OCLN: variants seen among roughly 807,000 people sequenced by gnomAD.
OCLN encodes phosphatase 1, regulatory subunit 115.
OCLN carries 21 observed loss-of-function variants against 47.9 expected under a neutral mutation model. The observed-to-expected ratio is 0.44, with a 90% CI of 0.31 to 0.63. OCLN has a LOEUF of 0.63. Ranked by LOEUF, OCLN falls within the 30% of genes least tolerant of loss-of-function variation. The probability of loss-of-function intolerance (pLI) is 0.08; values close to 1 mark genes in which losing one functional copy is unlikely to be tolerated. For missense variants in OCLN, 360 were observed against 571.0 expected (o/e 0.63, Z 3.77); for synonymous variants, 117 against 198.4 (o/e 0.59, Z 3.45).
intron 5 of OCLN, among the ~76,000 whole-genome samples, chr5:69,535,818 A>G (rs2112067912): frequency 6.6e-6 from 1 of 152,092 alleles, no homozygotes; most frequent in East Asian, 1.9e-4. Context: ...TACAGTAAAT[A>G]TAAAAGATAA....
chr5:69,548,533 G>T, intron 7 of OCLN, among the ~76,000 whole-genome samples: 1 of 148,958 alleles, frequency 6.7e-6, no homozygotes, highest in Non-Finnish European at 1.5e-5. Flanking sequence ...TGTTAGCCAG[G>T]ATGGTCTCGA....
chr5:69,553,709 G>A lies in OCLN; in HGVS notation c.*38G>A. 1 of 1,586,072 alleles carries A rather than the reference G, an allele frequency of 6.3e-7. No homozygotes were observed. Among genetic ancestry groups the A allele is most frequent in the Non-Finnish European group, 8.7e-7 (1 of 1,155,262 alleles). Reference sequence around the variant, plus strand: ...AAGTTGTTTGAGAAATTAAGTATCTGACATCTCTGCAATCTTCTCAGAAGG... The same window carrying A: ...AAGTTGTTTGAGAAATTAAGTATCTAACATCTCTGCAATCTTCTCAGAAGG... On this transcript the variant is annotated 3_prime_UTR_variant, in exon 9 of 9. Transcript: ENST00000396442.
At chr5:69,523,783 G>A (rs1286107685) in intron 4 of OCLN, among the ~76,000 whole-genome samples, 2 of 150,238 alleles carry the variant, frequency 1.3e-5, no homozygotes, top group Admixed American at 6.7e-5. Context: ...TGATCCACCC[G>A]CCTCAGCCTC....
intron 2 of OCLN, among the ~76,000 whole-genome samples, chr5:69,506,290 T>A (rs906892030): frequency 6.6e-6 from 1 of 152,060 alleles, no homozygotes; most frequent in Middle Eastern, 3.2e-3. Flanking sequence ...TAAGAATGAA[T>A]GAATGAATGA....
At chr5:69,528,411 A>ACATGGTGAC (rs56024136) in intron 4 of OCLN, among the ~76,000 whole-genome samples, 132,103 of 151,896 alleles carry the variant, frequency 0.87, 57,642 homozygotes, top group African/African-American at 0.9. Context: ...AAACAAAGGC[A>ACATGGTGAC]TGAAACATAC....
intron 1 of OCLN, among the ~76,000 whole-genome samples, chr5:69,494,906 C>T (rs902159528): frequency 8.5e-5 from 13 of 152,302 alleles, no homozygotes; most frequent in African/African-American, 3.1e-4. Context: ...TCAGAAGCAG[C>T]GGTCCTTGAT....
At chr5:69,504,664 C>T (rs564467589) in intron 2 of OCLN, among the ~76,000 whole-genome samples, 7 of 152,282 alleles carry the variant, frequency 4.6e-5, no homozygotes, top group Non-Finnish European at 7.3e-5. Flanking sequence ...AGGCCGGGTG[C>T]GGTGGCTCAC....
chr5:69,500,017 C>G (rs1351249525), intron 1 of OCLN, among the ~76,000 whole-genome samples: 1 of 152,208 alleles, frequency 6.6e-6, no homozygotes, highest in Non-Finnish European at 1.5e-5. Context: ...TAGGTTGTTT[C>G]AAACTCATCA....
intron 1 of OCLN, among the ~76,000 whole-genome samples, chr5:69,500,705 A>G (rs1768433607): frequency 6.6e-6 from 1 of 151,982 alleles, no homozygotes; most frequent in South Asian, 2.1e-4. Flanking sequence ...TTGGTTCACA[A>G]TTTAAAATCC....
At chr5:69,531,702 A>G (rs1363766399) in intron 4 of OCLN, among the ~76,000 whole-genome samples, 2 of 152,228 alleles carry the variant, frequency 1.3e-5, no homozygotes, top group African/African-American at 2.4e-5. Context: ...TTCCACTTTC[A>G]GAGGGAAATG....
chr5:69,548,475 G>A (rs1465257349), intron 7 of OCLN, among the ~76,000 whole-genome samples: 5 of 150,066 alleles, frequency 3.3e-5, no homozygotes, highest in South Asian at 2.1e-4. Context: ...CACCACGCCC[G>A]GCTAATTTTT....
chr5:69,550,218 G>A (rs1446522020), intron 7 of OCLN, among the ~76,000 whole-genome samples: 1 of 108,916 alleles, frequency 9.2e-6, no homozygotes, highest in African/African-American at 3.3e-5. Context: ...TTGAGACGGA[G>A]TCTTGCTCTG....
rs1769914089 is a variant in OCLN at position 69,554,358 on chromosome 5, A to T, written c.*687A>T. 1 of 152,068 alleles carries T rather than the reference A, an allele frequency of 6.6e-6. No individual in the cohort carries two copies. The highest frequency in any genetic ancestry group is 2.4e-5 in the African/African-American group (1 of 41,400). The allele number at this position is 152,068 out of a possible 1,614,324, so 9.4% of individuals were successfully genotyped here. On this transcript the variant is annotated 3_prime_UTR_variant, in exon 9 of 9. Transcript: ENST00000396442. ...AATATATATTTACTTTTTTAAGATC[A>T]AAGTTTAAACCCCGTGGTTAGAATT... is the stretch of plus-strand genomic sequence containing the variant.
chr5:69,501,909 G>A (rs1416478962), intron 1 of OCLN, among the ~76,000 whole-genome samples: 1 of 151,784 alleles, frequency 6.6e-6, no homozygotes, highest in Non-Finnish European at 1.5e-5. Context: ...ATAGAAGAGA[G>A]TTGCCAGGTG....
rs1768855918 is a variant in OCLN, at chr5:69,514,002, T to A, written c.784T>A (p.Phe262Ile). Residue 262 changes from phenylalanine to isoleucine, a missense_variant, in exon 4 of 9, where the codon TTC becomes ATC. Phe to Ile is a conservative substitution (Grantham distance 21). Around this residue, in one of 3 missense-constraint regions of OCLN, gnomAD observed 314 missense variants for 368.1 expected, o/e 0.85. Coordinates refer to ENST00000396442, the MANE Select transcript of OCLN (RefSeq NM_001205254.2). ...MIIVAFALII[F>I]FAVKTRRKMD... ...TATTGTGGCTTTTGCTTTAATAATT[T>A]TCTTTGCTGTGAAAACTCGAAGAAA... 1 of 1,613,936 alleles carries A rather than the reference T, an allele frequency of 6.2e-7. No homozygotes were observed. The highest frequency in any genetic ancestry group is 1.3e-5 in the African/African-American group (1 of 74,940).
rs777996261 is a variant in OCLN at position 69,508,918 on chromosome 5, GT to G, written c.51-220del. ...ATTCAAGGATGTTTATAGTTAAACT[GT>G]TTACAATACCCCCAAACAGAGATAA... On this transcript the variant is annotated intron_variant, in intron 2 of 8. Transcript: ENST00000396442. Among the ~76,000 whole-genome samples, 77 of 152,176 alleles carry G rather than the reference GT, an allele frequency of 5.1e-4. 3 individuals are homozygous for G. Among genetic ancestry groups the G allele is most frequent in the Non-Finnish European group, 1.2e-4 (8 of 68,034 alleles).
At chr5:69,527,317 C>T (rs1164340195) in intron 4 of OCLN, among the ~76,000 whole-genome samples, 2 of 151,994 alleles carry the variant, frequency 1.3e-5, no homozygotes, top group East Asian at 1.9e-4. Context: ...AAGGCACTCA[C>T]GTGCAGCCTC....
At chr5:69,531,509 T>G (rs536866592) in intron 4 of OCLN, among the ~76,000 whole-genome samples, 2 of 152,350 alleles carry the variant, frequency 1.3e-5, no homozygotes, top group South Asian at 2.1e-4. Flanking sequence ...GATAAGGTAT[T>G]GGATTAAGAA....
At chr5:69,502,899 T>G (rs1768498827) in intron 1 of OCLN, among the ~76,000 whole-genome samples, 1 of 152,170 alleles carries the variant, frequency 6.6e-6, no homozygotes, top group South Asian at 2.1e-4. Flanking sequence ...CAAAAACTGG[T>G]GTTTCCCAAA....
Sources: gnomAD v4.1 joint callset for allele counts (sites outside exome capture counted in the v4.1 genomes callset) on GRCh38, gnomAD v4.1.1 for gene constraint, gnomAD v4.1.1 regional missense constraint, MANE v1.5 for transcripts, NCBI Gene and HGNC (gene_info 2026-07-23, HGNC 2026-07-21) for gene names.